The following CDH18 variants were observed in gnomAD, a reference collection of about 807,000 sequenced individuals.
CDH18 encodes cadherin 18, also known as cadherin-18.
A neutral mutation model predicts 67.9 loss-of-function variants in CDH18; 31 were observed. The observed-to-expected ratio is 0.46, with a 90% confidence interval of 0.34 to 0.62. The LOEUF is 0.62. Among genes scored for constraint, CDH18 ranks in the 20% least tolerant of loss-of-function variants. The pLI, the probability that CDH18 is intolerant of heterozygous loss-of-function variation, is 0.01. For synonymous variants in CDH18, 362 were observed against 347.2 expected (o/e 1.04, Z -0.48); for missense variants, 890 against 975.5 (o/e 0.91, Z 1.17).
chr5:20,278,958 G>A (rs2126690017), intron 1 of CDH18, among the ~76,000 whole-genome samples: 2 of 152,064 alleles, frequency 1.3e-5, no homozygotes, highest in Middle Eastern at 6.8e-3. Context: ...GATATTTCAT[G>A]TACCTAGATT....
chr5:19,611,189 A>G (rs1748897714), intron 6 of CDH18, among the ~76,000 whole-genome samples: 1 of 152,146 alleles, frequency 6.6e-6, no homozygotes, highest in South Asian at 2.1e-4. Context: ...AGAAATTAGT[A>G]TAACATGAAC....
At chr5:19,817,774 A>T (rs1779449037) in intron 3 of CDH18, among the ~76,000 whole-genome samples, 1 of 152,062 alleles carries the variant, frequency 6.6e-6, no homozygotes. Flanking sequence ...TTTGAGGTAG[A>T]CTTCTTACCC....
chr5:19,726,216 G>T (rs532284772), intron 4 of CDH18, among the ~76,000 whole-genome samples: 1 of 152,250 alleles, frequency 6.6e-6, no homozygotes, highest in Admixed American at 6.5e-5. Flanking sequence ...AGGAAGAAGG[G>T]TAGCATGGTG....
At chr5:20,006,318 T>C (rs1736900888) in intron 2 of CDH18, among the ~76,000 whole-genome samples, 1 of 151,906 alleles carries the variant, frequency 6.6e-6, no homozygotes, top group African/African-American at 2.4e-5. Context: ...AATAGATAAA[T>C]AATTTTTTCA....
intron 1 of CDH18, among the ~76,000 whole-genome samples, chr5:20,302,132 A>G (rs1055697234): frequency 2.0e-5 from 3 of 152,228 alleles, no homozygotes; most frequent in Non-Finnish European, 1.5e-5. Context: ...TAGGCCAAGT[A>G]TATGATACAC....
At chr5:20,311,347 G>A (rs7706835) in intron 1 of CDH18, among the ~76,000 whole-genome samples, 5,704 of 152,166 alleles carry the variant, frequency 0.037, 268 homozygotes, top group African/African-American at 0.11. Context: ...ACATGAGCAT[G>A]TATGTTTATT....
At chr5:20,468,789 T>A (rs1326139130) in intron 1 of CDH18, among the ~76,000 whole-genome samples, 1 of 152,184 alleles carries the variant, frequency 6.6e-6, no homozygotes, top group East Asian at 1.9e-4. Context: ...AACCATTGAT[T>A]GAACGGTTGT....
chr5:19,910,954 C>T (rs956054497), intron 2 of CDH18, among the ~76,000 whole-genome samples: 24 of 152,230 alleles, frequency 1.6e-4, no homozygotes, highest in African/African-American at 5.8e-4. Context: ...GACATCTGAG[C>T]TGATGTGTTA....
intron 2 of CDH18, among the ~76,000 whole-genome samples, chr5:20,156,840 A>G (rs1216147953): frequency 1.3e-5 from 2 of 152,180 alleles, no homozygotes; most frequent in Non-Finnish European, 2.9e-5. Flanking sequence ...CAAACAATAA[A>G]ACTTGTTTGG....
intron 2 of CDH18, among the ~76,000 whole-genome samples, chr5:20,053,499 C>T (rs28458846): frequency 0.058 from 8,866 of 152,112 alleles, 367 homozygotes; most frequent in African/African-American, 0.11. Flanking sequence ...TATCTCAGTT[C>T]ATGCTAACTA....
Position 19,590,820 on chromosome 5 carries a change from G to A in CDH18, c.999+237C>T, listed in dbSNP as rs535664872. Among the ~76,000 whole-genome samples the A allele has an allele frequency of 3.2e-4, 49 of 152,188 alleles. 1 individual carries two copies. The highest frequency in any genetic ancestry group is 3.4e-3 in the Middle Eastern group (1 of 294). ...AGCAGAGACAAAATGAACAAAGATG[G>A]AGAGAAACATTGTTAGTGTAGTCTA... On this transcript the variant is annotated intron_variant, in intron 7 of 12. Transcript: ENST00000382275.
chr5:20,345,912 T>C (rs1740661896), intron 1 of CDH18, among the ~76,000 whole-genome samples: 1 of 152,138 alleles, frequency 6.6e-6, no homozygotes, highest in African/African-American at 2.4e-5. Flanking sequence ...CTTTGGAATG[T>C]CACAAATTAT....
chr5:19,785,654 CAAAAAAAAAAAAAAA>C (rs35498841), intron 3 of CDH18, among the ~76,000 whole-genome samples: 2 of 3,900 alleles, frequency 5.1e-4, no homozygotes, highest in African/African-American at 1.1e-3. Context: ...AACTCTGTCT[CAAAAAAAAAAAAAAA>C]AAAAAAAAAA....
At chr5:19,928,982 CCA>C (rs144208464) in intron 2 of CDH18, among the ~76,000 whole-genome samples, 43,730 of 151,812 alleles carry the variant, frequency 0.29, 7,482 homozygotes, top group South Asian at 0.41. Flanking sequence ...CAGATTTTGG[CCA>C]CACATACACA....
intron 3 of CDH18, among the ~76,000 whole-genome samples, chr5:19,759,877 T>C (rs1166013550): frequency 6.6e-6 from 1 of 152,068 alleles, no homozygotes; most frequent in Non-Finnish European, 1.5e-5. Context: ...GTCTGTAAAC[T>C]GGCTCAAGTC....
At position 19,502,618 on chromosome 5, in the gene CDH18, C is replaced by G. The variant is rs1472896706; in HGVS notation, c.1630+374G>C. ...TCATACAAGATGATTGCAAGCATTG[C>G]ATTTCCTTTAGTAACTGTCTCTAGG... On this transcript the variant is annotated intron_variant, in intron 11 of 12. Coordinates refer to ENST00000382275, the MANE Select transcript of CDH18 (RefSeq NM_004934.5). 7.5e-6 allele frequency: 3 copies of G among 402,012 alleles called. No individual in the cohort carries two copies. In the East Asian group the frequency reaches 1.1e-4, roughly 15 times the overall value. 24.9% of individuals were successfully genotyped at this position (402,012 alleles called of 1,614,324 possible).
chr5:19,747,062 T>C lies in CDH18; in HGVS notation c.403A>G (p.Thr135Ala). 1 of 1,614,172 alleles carries C rather than the reference T, an allele frequency of 6.2e-7. No homozygotes were observed. Among genetic ancestry groups the C allele is most frequent in the Non-Finnish European group, 8.5e-7 (1 of 1,180,026 alleles). Reference protein sequence around the residue: ...VLHAQAIDRRTNKPLEPESEF... With the variant: ...VLHAQAIDRRANKPLEPESEF... ...GATTCAGGCTCAAGAGGTTTGTTTG[T>C]ACGTCTATCAATAGCTTGAGCATGA... is the stretch of plus-strand genomic sequence containing the variant. Residue 135 changes from threonine (T) to alanine (A), a missense_variant, in exon 4 of 13, where the codon ACA becomes GCA. Thr to Ala is a moderately conservative substitution (Grantham distance 58). Coordinates refer to ENST00000382275, the MANE Select transcript of CDH18 (RefSeq NM_004934.5).
chr5:19,647,007 C>T (rs542766042), intron 5 of CDH18, among the ~76,000 whole-genome samples: 40 of 152,164 alleles, frequency 2.6e-4, no homozygotes, highest in African/African-American at 9.6e-4. Context: ...CACTGAAACA[C>T]ATTGTTGCAT....
chr5:19,506,606 A>G (rs1467407148), intron 10 of CDH18, among the ~76,000 whole-genome samples: 1 of 151,612 alleles, frequency 6.6e-6, no homozygotes, highest in Non-Finnish European at 1.5e-5. Flanking sequence ...ATAATGCTGC[A>G]TATCTACATC....
Sources: gnomAD v4.1 joint callset for allele counts (sites outside exome capture counted in the v4.1 genomes callset) on GRCh38, gnomAD v4.1.1 for gene constraint, MANE v1.5 for transcripts, NCBI Gene and HGNC (gene_info 2026-07-23, HGNC 2026-07-21) for gene names.